The following CPA3 variants were observed in gnomAD, a reference collection of about 807,000 sequenced individuals.
CPA3 encodes the protein mast cell carboxypeptidase A.
Under a neutral mutation model 55.8 loss-of-function variants are expected in CPA3, and 52 were observed. The observed-to-expected ratio is 0.93, with a 90% CI of 0.75 to 1.17. The LOEUF is 1.17. Among genes scored for constraint, CPA3 ranks in the 50% most tolerant of loss-of-function variants. The probability of loss-of-function intolerance (pLI) is 0.00; values close to 1 mark genes in which losing one functional copy is unlikely to be tolerated. For missense variants in CPA3, 547 were observed against 509.1 expected (o/e 1.07, Z -0.72); for synonymous variants, 179 against 171.2 (o/e 1.05, Z -0.36).
chr3:148,866,932 T>G (rs1271454438), intron 2 of CPA3, among the ~76,000 whole-genome samples: 2 of 152,036 alleles, frequency 1.3e-5, no homozygotes, highest in Admixed American at 6.6e-5. Context: ...AATTTTTGTG[T>G]TTTTAGTGAA....
At chr3:148,892,162 A>C (rs1265572242) in intron 10 of CPA3, among the ~76,000 whole-genome samples, 1 of 152,070 alleles carries the variant, frequency 6.6e-6, no homozygotes, top group East Asian at 1.9e-4. Context: ...ATTTTCCAAA[A>C]AATAGGGTAC....
At chr3:148,896,473 C>T (rs930162778) in intron 10 of CPA3, 47 bp from the exon 11 acceptor site, 3 of 1,424,448 alleles carry the variant, frequency 2.1e-6, no homozygotes, top group Non-Finnish European at 2.8e-6. Context: ...TTTAAAAAAA[C>T]ATTAGCATTT....
chr3:148,896,420 C>T (rs1431254359), intron 10 of CPA3, 100 bp from the exon 11 acceptor site: 3 of 982,814 alleles, frequency 3.1e-6, no homozygotes, highest in Non-Finnish European at 4.4e-6. Context: ...TAACTGCACA[C>T]ATAACTATTT....
intron 3 of CPA3, among the ~76,000 whole-genome samples, chr3:148,877,923 T>G (rs1714253157): frequency 6.6e-6 from 1 of 152,124 alleles, no homozygotes; most frequent in Non-Finnish European, 1.5e-5. Context: ...TAGATGTGTG[T>G]GTGTTTTGGA....
At chr3:148,895,327 C>T (rs1001709703) in intron 10 of CPA3, among the ~76,000 whole-genome samples, 4 of 152,162 alleles carry the variant, frequency 2.6e-5, no homozygotes, top group Non-Finnish European at 5.9e-5. Context: ...ACACACTAGC[C>T]TTTCTTCAAG....
In CPA3 at chr3:148,896,543, G is replaced by C; in HGVS notation, c.1090G>C (p.Asp364His). Residue 364 changes from aspartate to histidine, a missense_variant, in exon 11 of 11, where the codon GAC becomes CAC. Physicochemically the swap from Asp to His is moderately conservative, Grantham distance 81. Transcript: ENST00000296046. ...TIYPISGSSL[D>H]WAYDLGIKHT... ...AGACCCGATATCAGGTTCTTCTTTA[G>C]ACTGGGCTTATGACCTGGGCATCAA... The C allele has an allele frequency of 6.5e-7, 1 of 1,529,714 alleles. No homozygotes were observed. Among genetic ancestry groups the C allele is most frequent in the Non-Finnish European group, 8.9e-7 (1 of 1,119,192 alleles). The allele number at this position is 1,529,714 out of a possible 1,614,324, so 94.8% of individuals were successfully genotyped here. A position where few individuals can be genotyped will look rare whatever the true frequency, so the allele number is the denominator to read the frequency against.
rs547547999 is a variant in CPA3 at position 148,885,685 on chromosome 3, C to A, written c.982-408C>A. 2.6e-5 allele frequency among the ~76,000 whole-genome samples: 4 copies of A among 152,224 alleles called. No individual in the cohort carries two copies. The East Asian group carries it at 7.7e-4, about 29-fold the overall frequency. On this transcript the variant is annotated intron_variant, in intron 9 of 10. Coordinates refer to ENST00000296046, the MANE Select transcript of CPA3 (RefSeq NM_001870.4). The stretch of plus-strand genomic sequence containing the variant: ...TCAGCCTCCGCAAGTGCTGGGATTA[C>A]AGGCGTGAGCCACCGTGCCCGGCCA...
chr3:148,874,906 A>T (rs1321546448), intron 3 of CPA3, among the ~76,000 whole-genome samples: 2 of 152,338 alleles, frequency 1.3e-5, no homozygotes, highest in African/African-American at 2.4e-5. Flanking sequence ...TTTATGACCC[A>T]ACTTCACTAT....
intron 3 of CPA3, among the ~76,000 whole-genome samples, chr3:148,874,938 C>T (rs1433052745): frequency 6.6e-6 from 1 of 152,114 alleles, no homozygotes; most frequent in African/African-American, 2.4e-5. Flanking sequence ...TCAATGGGAG[C>T]CTGAGGCCAC....
At chr3:148,875,069 T>C (rs1184719746) in intron 3 of CPA3, among the ~76,000 whole-genome samples, 2 of 152,196 alleles carry the variant, frequency 1.3e-5, no homozygotes, top group African/African-American at 4.8e-5. Context: ...GTTCGTATTA[T>C]GTAGCTGAAC....
intron 10 of CPA3, among the ~76,000 whole-genome samples, chr3:148,894,424 G>A (rs1344071720): frequency 1.3e-5 from 2 of 148,766 alleles, no homozygotes; most frequent in Non-Finnish European, 3.0e-5. Context: ...AGAGGAAGGT[G>A]TAAAGCAAGA....
chr3:148,880,894 G>A (rs1401085341), intron 6 of CPA3, among the ~76,000 whole-genome samples: 2 of 152,046 alleles, frequency 1.3e-5, no homozygotes, highest in African/African-American at 4.8e-5. Context: ...ACACATAAAG[G>A]AATGCACATC....
chr3:148,875,327 T>C (rs1714176236), intron 3 of CPA3, among the ~76,000 whole-genome samples: 1 of 152,166 alleles, frequency 6.6e-6, no homozygotes, highest in Non-Finnish European at 1.5e-5. Flanking sequence ...ATAAGCCAAA[T>C]AAGAAAATTG....
chr3:148,876,470 G>A (rs1219971290), intron 3 of CPA3, among the ~76,000 whole-genome samples: 2 of 151,526 alleles, frequency 1.3e-5, no homozygotes, highest in Admixed American at 6.6e-5. Context: ...TCCACCTCCT[G>A]GGTTCAAGCA....
intron 6 of CPA3, 81 bp downstream of exon 6, chr3:148,879,970 C>T (rs1281447394): frequency 2.2e-6 from 2 of 911,826 alleles, no homozygotes; most frequent in African/African-American, 3.3e-5. Context: ...TCTTTCCAAA[C>T]ACGCAATTCC....
chr3:148,884,118 T>C (rs1714455553), intron 9 of CPA3, among the ~76,000 whole-genome samples: 1 of 152,120 alleles, frequency 6.6e-6, no homozygotes, highest in Non-Finnish European at 1.5e-5. Flanking sequence ...ACATTTACCA[T>C]GGGTTGTACG....
Position 148,896,598 on chromosome 3 carries a change from A to G in CPA3, c.1145A>G (p.Lys382Arg), listed in dbSNP as rs1714835958. The G allele has an allele frequency of 1.9e-6, 3 of 1,591,454 alleles. No homozygotes were observed. Among genetic ancestry groups the G allele is most frequent in the Non-Finnish European group, 2.6e-6 (3 of 1,162,818 alleles). ...KHTFAFELRDKGKFGFLLPES... is the reference protein window; with the variant it reads ...KHTFAFELRDRGKFGFLLPES... ...ACATTTGCCTTTGAGCTCCGAGATA[A>G]AGGCAAATTTGGTTTTCTCCTTCCA... Residue 382 changes from lysine to arginine, a missense_variant, in exon 11 of 11, where the codon AAA becomes AGA. Coordinates refer to ENST00000296046, the MANE Select transcript of CPA3 (RefSeq NM_001870.4).
intron 10 of CPA3, among the ~76,000 whole-genome samples, chr3:148,895,450 T>C (rs1714800758): frequency 1.3e-5 from 2 of 152,178 alleles, no homozygotes; most frequent in African/African-American, 4.8e-5. Context: ...TAAATCTTGG[T>C]AAAATATTGT....
At position 148,883,746 on chromosome 3, in the gene CPA3, T is replaced by C. The variant is rs369290033; in HGVS notation, c.912T>C (p.His304=). 36 of 1,614,110 alleles carry C rather than the reference T, an allele frequency of 2.2e-5. No individual in the cohort carries two copies. Among genetic ancestry groups the C allele is most frequent in the Non-Finnish European group, 3.0e-5 (35 of 1,179,968 alleles). The change falls in exon 9 of 11, where the codon CAT becomes CAC. Residue 304 remains histidine, a synonymous_variant. Transcript: ENST00000296046. ...LNEIKVYITF[H]SYSQMLLFPY... is the part of the protein sequence containing the mutation. Reference sequence around the variant, plus strand: ...AAATCAAGGTTTACATCACCTTCCATTCCTACTCCCAGATGCTATTGTTTC... The same window carrying C: ...AAATCAAGGTTTACATCACCTTCCACTCCTACTCCCAGATGCTATTGTTTC...
Sources: allele counts gnomAD v4.1 joint callset (sites outside exome capture counted in the v4.1 genomes callset), GRCh38; gene constraint gnomAD v4.1.1; transcripts MANE v1.5; gene names NCBI Gene and HGNC (gene_info 2026-07-23, HGNC 2026-07-21).